The following SLC12A9 variants were observed in gnomAD, a reference collection of about 807,000 sequenced individuals.
SLC12A9 encodes CCC-interacting protein 1.
A neutral mutation model predicts 66.0 loss-of-function variants in SLC12A9; 55 were observed. The ratio of observed to expected loss-of-function variants is 0.83; its 90% CI spans 0.67 to 1.04. SLC12A9 has a LOEUF of 1.04. SLC12A9 is among the 50% of genes least tolerant of loss of function. SLC12A9 has a pLI of 0.00. For synonymous variants in SLC12A9, 577 were observed against 569.0 expected, an observed-to-expected ratio of 1.01 and a Z score of -0.20; for missense variants, 1,061 against 1,241.9, an observed-to-expected ratio of 0.85 and a Z score of 2.19.
Position 100,865,841 on chromosome 7 carries a change from G to C in SLC12A9, c.1981G>C (p.Ala661Pro). The C allele has an allele frequency of 6.2e-7, 1 of 1,613,862 alleles. No individual in the cohort carries two copies. Among genetic ancestry groups the C allele is most frequent in the East Asian group, 2.2e-5 (1 of 44,872 alleles). ...CAGCACCAGGGAGGGCAGTTCCCCA[G>C]CTCTGAGCACCCTGTTCCCTCCTCC... is the stretch of plus-strand genomic sequence containing the variant. ...ADSTREGSSP[A>P]LSTLFPPPRA... The change falls in exon 14 of 14, where the codon GCT becomes CCT. Residue 661 changes from alanine (A) to proline (P), a missense_variant. Coordinates refer to ENST00000354161, the MANE Select transcript of SLC12A9 (RefSeq NM_020246.4).
chr7:100,866,707 C>T lies in SLC12A9; in HGVS notation c.*102C>T, dbSNP rs1584715658. Reference sequence around the variant, plus strand: ...AGGCCACTGTGGCCCGTGGCCCTGCCCTTGGGACGTGGAGCCCAGGGGAGG... The same window carrying T: ...AGGCCACTGTGGCCCGTGGCCCTGCTCTTGGGACGTGGAGCCCAGGGGAGG... On this transcript the variant is annotated 3_prime_UTR_variant, in exon 14 of 14. Transcript: ENST00000354161. This position sits in a 1 kb window ranked among gnomAD's most constrained non-coding sequence, Gnocchi z 7.3. 1 of 1,282,218 alleles carries T rather than the reference C, an allele frequency of 7.8e-7. No individual in the cohort carries two copies. Among genetic ancestry groups the T allele is most frequent in the East Asian group, 2.7e-5 (1 of 36,540 alleles). 79.4% of individuals were successfully genotyped at this position (1,282,218 alleles called of 1,614,324 possible). A position where few individuals can be genotyped will look rare whatever the true frequency, so the allele number is the denominator to read the frequency against.
chr7:100,830,495 G>A (rs948876301), intron 1 of SLC12A9, among the ~76,000 whole-genome samples: 5 of 151,902 alleles, frequency 3.3e-5, no homozygotes, highest in Admixed American at 6.6e-5. Flanking sequence ...ACAACATAGC[G>A]AGACCCTGTC....
At chr7:100,835,236 A>T (rs1330813673) in intron 1 of SLC12A9, among the ~76,000 whole-genome samples, 5 of 150,996 alleles carry the variant, frequency 3.3e-5, no homozygotes, top group Non-Finnish European at 5.9e-5. Flanking sequence ...CGTGCCTGTT[A>T]TCCAGCTACT....
chr7:100,835,270 G>T lies in SLC12A9; in HGVS notation n.228+8223G>T, dbSNP rs138589660. Among the ~76,000 whole-genome samples the T allele has an allele frequency of 6.0e-3, 911 of 151,202 alleles. 7 individuals are homozygous for T. The highest frequency in any genetic ancestry group is 0.021 in the African/African-American group (875 of 41,094). On this transcript the variant is annotated intron_variant and non_coding_transcript_variant, in intron 1 of 1. Transcript: ENST00000461016. ...CTTGGGAGGCTGAGGCAGGAGAATC[G>T]CTTGAACCTGGGAGGTAGAGGTTGC...
Position 100,861,763 on chromosome 7 carries a change from CGTCCGG to C in SLC12A9, c.1564_1569del (p.Val522_Arg523del). ...TGCGTAAGTATCTGCTTCGGCTGGA[CGTCCGG>C]AAGGATCACGTGAAGTTCTGGCGGC... On this transcript the variant is annotated inframe_deletion, in exon 12 of 14. Coordinates refer to ENST00000354161, the MANE Select transcript of SLC12A9 (RefSeq NM_020246.4). The surrounding 1 kb of genome is among the most constrained non-coding windows in gnomAD (Gnocchi z 5.3). The C allele has an allele frequency of 6.2e-7, 1 of 1,614,144 alleles. No homozygotes were observed. Among genetic ancestry groups the C allele is most frequent in the Non-Finnish European group, 8.5e-7 (1 of 1,180,010 alleles).
intron 1 of SLC12A9, among the ~76,000 whole-genome samples, chr7:100,846,701 G>A (rs1037440334): frequency 7.9e-5 from 12 of 152,102 alleles, no homozygotes; most frequent in African/African-American, 2.4e-4. Flanking sequence ...TTCCACTATT[G>A]AGTGAGTCTC....
chr7:100,865,247 G>A lies in SLC12A9; in HGVS notation c.1859-472G>A, dbSNP rs546680824. ...TGCTGCGATTACAGGTGTGAGCCAC[G>A]GTGCCCTGCCTGGTCCATTTTTTCA... is the stretch of plus-strand genomic sequence containing the variant. On this transcript the variant is annotated intron_variant, in intron 13 of 13. Transcript: ENST00000354161. 1.7e-4 allele frequency: 256 copies of A among 1,535,596 alleles called. No homozygotes were observed. In the African/African-American group the frequency reaches 3.2e-3, roughly 19 times the overall value.
chr7:100,863,588 G>C (rs73396632), intron 13 of SLC12A9, among the ~76,000 whole-genome samples: 1 of 152,308 alleles, frequency 6.6e-6, no homozygotes, highest in African/African-American at 2.4e-5. Flanking sequence ...AAGAGGTTGG[G>C]ATGTAGGAGA....
intron 1 of SLC12A9, chr7:100,827,117 C>T: frequency 7.1e-7 from 1 of 1,417,736 alleles, no homozygotes; most frequent in South Asian, 1.3e-5. Context: ...GGGTGGACGC[C>T]GATACTCCGC....
chr7:100,834,647 C>T (rs2571608), intron 1 of SLC12A9, among the ~76,000 whole-genome samples: 34,065 of 151,840 alleles, frequency 0.22, 4,779 homozygotes, highest in East Asian at 0.57. Flanking sequence ...TTTGGGAGGA[C>T]GCAGCTGGCA....
At chr7:100,840,594 A>G (rs1813765228) in intron 1 of SLC12A9, among the ~76,000 whole-genome samples, 1 of 152,100 alleles carries the variant, frequency 6.6e-6, no homozygotes, top group African/African-American at 2.4e-5. Context: ...GGAAAGAGAC[A>G]GAGAGGAAGA....
intron 1 of SLC12A9, among the ~76,000 whole-genome samples, chr7:100,846,613 TCAG>T (rs1254022944): frequency 2.0e-5 from 3 of 151,850 alleles, no homozygotes; most frequent in Non-Finnish European, 4.4e-5. Flanking sequence ...CCAAAATGCT[TCAG>T]CACAAGTGTA....
At chr7:100,847,558 C>T (rs1045092354) in intron 1 of SLC12A9, among the ~76,000 whole-genome samples, 4 of 152,030 alleles carry the variant, frequency 2.6e-5, no homozygotes, top group Admixed American at 6.6e-5. Context: ...ATTGTGAAAG[C>T]GGAAGAGGTG....
chr7:100,850,911 G>C (rs550736143), upstream of SLC12A9, among the ~76,000 whole-genome samples: 1 of 151,930 alleles, frequency 6.6e-6, no homozygotes, highest in East Asian at 1.9e-4. Flanking sequence ...GTAGAGATGG[G>C]GTATCACCAT....
chr7:100,848,174 A>G (rs73396627), upstream of SLC12A9, among the ~76,000 whole-genome samples: 437 of 151,412 alleles, frequency 2.9e-3, 3 homozygotes, highest in African/African-American at 0.01. Context: ...TCTGGGCTAG[A>G]GGTACACCCT....
intron 7 of SLC12A9, 43 bp from the exon 8 acceptor site, chr7:100,859,842 C>T (rs369626631): frequency 2.3e-5 from 36 of 1,567,168 alleles, no homozygotes; most frequent in Non-Finnish European, 3.0e-5. Context: ...TTTCTTACCC[C>T]GTGACGCATG....
At chr7:100,849,165 G>A (rs1333796251), upstream of SLC12A9, among the ~76,000 whole-genome samples, 1 of 151,790 alleles carries the variant, frequency 6.6e-6, no homozygotes, top group Non-Finnish European at 1.5e-5. Context: ...GACCTCAAGT[G>A]ATCCTCCTGC....
Position 100,860,006 on chromosome 7 carries a change from C to T in SLC12A9, c.1099C>T (p.Arg367Cys), listed in dbSNP as rs143596115. Reference protein sequence around the residue: ...ASMSSLIGASRILHALARDDL... With the variant: ...ASMSSLIGASCILHALARDDL... ...CATGAGCTCGCTCATTGGTGCCTCCCGCATCCTCCATGCCCTGGCCCGGGA... is the reference window on the plus strand; with the variant it reads ...CATGAGCTCGCTCATTGGTGCCTCCTGCATCCTCCATGCCCTGGCCCGGGA... The change falls in exon 8 of 14, where the codon CGC becomes TGC. Residue 367 changes from arginine to cysteine, a missense_variant. Arg to Cys is a radical substitution (Grantham distance 180). Coordinates refer to ENST00000354161, the MANE Select transcript of SLC12A9 (RefSeq NM_020246.4). 13 of 1,613,910 alleles carry T rather than the reference C, an allele frequency of 8.1e-6. No homozygotes were observed. The highest frequency in any genetic ancestry group is 2.2e-5 in the South Asian group (2 of 91,078).
chr7:100,859,640 G>A, intron 7 of SLC12A9: 1 of 499,060 alleles, frequency 2.0e-6, no homozygotes, highest in Non-Finnish European at 3.5e-6. Flanking sequence ...GAGTCCAAGA[G>A]GTCGAGGCTG....
Sources: gnomAD v4.1 joint callset for allele counts (sites outside exome capture counted in the v4.1 genomes callset) on GRCh38, gnomAD v4.1.1 for gene constraint, Gnocchi (gnomAD v3.1) non-coding constraint, MANE v1.5 for transcripts, NCBI Gene and HGNC (gene_info 2026-07-23, HGNC 2026-07-21) for gene names.